The following AHCYL2 variants were observed in gnomAD, a reference collection of about 807,000 sequenced individuals.
AHCYL2 encodes the protein adenosylhomocysteinase like 2, also known as S-adenosylhomocysteine hydrolase-like protein 2.
AHCYL2 carries 28 observed loss-of-function variants against 81.4 expected under a neutral mutation model. The observed-to-expected ratio is 0.34, with a 90% confidence interval of 0.25 to 0.47. The LOEUF (loss-of-function observed/expected upper bound fraction) is 0.47, where lower values mean the gene tolerates loss of function less well. Ranked by LOEUF, AHCYL2 falls within the 20% of genes least tolerant of loss-of-function variation. The pLI, the probability that AHCYL2 is intolerant of heterozygous loss-of-function variation, is 1.00. For synonymous variants in AHCYL2, 272 were observed against 290.2 expected (o/e 0.94, Z 0.64); for missense variants, 551 against 785.1 (o/e 0.70, Z 3.56).
chr7:129,288,096 T>C (rs1288017938), intron 1 of AHCYL2, among the ~76,000 whole-genome samples: 1 of 152,240 alleles, frequency 6.6e-6, no homozygotes. Context: ...CATTGTGTTA[T>C]TCATAAATGT....
chr7:129,288,181 A>G (rs1487584413), intron 1 of AHCYL2, among the ~76,000 whole-genome samples: 2 of 152,284 alleles, frequency 1.3e-5, no homozygotes, highest in South Asian at 2.1e-4. Flanking sequence ...GTCTCTTAAC[A>G]TTAGTCCTCT....
chr7:129,416,075 GT>G (rs140251679), intron 12 of AHCYL2, among the ~76,000 whole-genome samples: 14 of 147,762 alleles, frequency 9.5e-5, no homozygotes, highest in South Asian at 4.3e-4. Context: ...AAAATCCAGG[GT>G]TTTTTTTTTA....
intron 7 of AHCYL2, 104 bp from the exon 8 acceptor site, chr7:129,404,993 G>A (rs1261121839): frequency 1.6e-6 from 1 of 615,572 alleles, no homozygotes; most frequent in Non-Finnish European, 2.8e-6. Context: ...CATGTCTCAT[G>A]GTCTCATGCC....
At position 129,329,171 on chromosome 7, in the gene AHCYL2, A is replaced by G. The variant is rs1798330229; in HGVS notation, c.364-50467A>G. On this transcript the variant is annotated intron_variant, in intron 1 of 16. Coordinates refer to ENST00000325006, the MANE Select transcript of AHCYL2 (RefSeq NM_015328.4). ...TGCAGGATCTGGTCCTGGAACTGCT[A>G]TTAATGTTTTTTATTTTGTTTTGTT... 2.0e-5 allele frequency among the ~76,000 whole-genome samples: 3 copies of G among 152,058 alleles called. No individual in the cohort carries two copies. The South Asian group carries it at 6.2e-4, about 32-fold the overall frequency.
intron 1 of AHCYL2, among the ~76,000 whole-genome samples, chr7:129,311,420 C>T (rs1443858080): frequency 6.6e-6 from 1 of 152,196 alleles, no homozygotes; most frequent in African/African-American, 2.4e-5. Flanking sequence ...AACCTAAATG[C>T]TGACAAGTCC....
At chr7:129,325,260 T>C (rs1798178804) in intron 1 of AHCYL2, among the ~76,000 whole-genome samples, 1 of 152,202 alleles carries the variant, frequency 6.6e-6, no homozygotes. Context: ...GTCTGTATTT[T>C]GCCTTTGTTT....
intron 1 of AHCYL2, among the ~76,000 whole-genome samples, chr7:129,297,498 C>T (rs1425004889): frequency 1.3e-5 from 2 of 152,122 alleles, no homozygotes; most frequent in Non-Finnish European, 2.9e-5. Flanking sequence ...ATTTAGAATG[C>T]CTTTGCTTGA....
At position 129,353,542 on chromosome 7, in the gene AHCYL2, A is replaced by G. The variant is rs571466983; in HGVS notation, c.364-26096A>G. On this transcript the variant is annotated intron_variant, in intron 1 of 16. Transcript: ENST00000325006. ...TTTCCTGTATAACAGCATAAATTTA[A>G]TTATTTCATCTATCTATTTACTTAA... Among the ~76,000 whole-genome samples the G allele has an allele frequency of 2.0e-4, 30 of 151,482 alleles. No individual in the cohort carries two copies. The South Asian group carries it at 5.9e-3, about 30-fold the overall frequency.
chr7:129,378,819 A>G (rs1794812689), intron 1 of AHCYL2, among the ~76,000 whole-genome samples: 1 of 152,304 alleles, frequency 6.6e-6, no homozygotes, highest in African/African-American at 2.4e-5. Flanking sequence ...ATCTAGATAT[A>G]TGGAGCTTAC....
chr7:129,405,189 G>A lies in AHCYL2; in HGVS notation c.1118G>A (p.Cys373Tyr). ...VTKQKFDNLY[C>Y]CRESILDGLK... ...AAACAGAAATTTGACAACCTCTACT[G>A]TTGCCGTGAATCAATTCTTGATGGG... The change falls in exon 8 of 17, where the codon TGT becomes TAT. Residue 373 changes from cysteine to tyrosine, a missense_variant. This residue lies in a region of AHCYL2 where 316 missense variants were observed against 543.1 expected (regional missense o/e 0.58). Transcript: ENST00000325006. 4 of 1,607,792 alleles carry A rather than the reference G, an allele frequency of 2.5e-6. No homozygotes were observed. Among genetic ancestry groups the A allele is most frequent in the South Asian group, 1.1e-5 (1 of 90,424 alleles).
intron 1 of AHCYL2, among the ~76,000 whole-genome samples, chr7:129,255,120 G>T (rs988984222): frequency 7.9e-5 from 12 of 151,880 alleles, no homozygotes; most frequent in African/African-American, 2.9e-4. Flanking sequence ...AATTAGCCGG[G>T]CATGGTGGCA....
chr7:129,313,509 T>G (rs150338129), intron 1 of AHCYL2, among the ~76,000 whole-genome samples: 10 of 152,172 alleles, frequency 6.6e-5, no homozygotes, highest in Non-Finnish European at 2.9e-5. Context: ...ACAGAGAAAG[T>G]TGACAGTGTT....
At chr7:129,375,172 A>T (rs988722215) in intron 1 of AHCYL2, among the ~76,000 whole-genome samples, 1 of 152,158 alleles carries the variant, frequency 6.6e-6, no homozygotes, top group Non-Finnish European at 1.5e-5. Flanking sequence ...CTAGAAACCA[A>T]ATGTCAAAAC....
intron 1 of AHCYL2, among the ~76,000 whole-genome samples, chr7:129,373,444 A>G (rs1794514709): frequency 6.6e-6 from 1 of 151,918 alleles, no homozygotes; most frequent in Non-Finnish European, 1.5e-5. Flanking sequence ...ACAAAAAAGC[A>G]AAAAAACTAG....
chr7:129,272,014 A>G (rs976514788), intron 1 of AHCYL2, among the ~76,000 whole-genome samples: 1 of 152,200 alleles, frequency 6.6e-6, no homozygotes, highest in African/African-American at 2.4e-5. Context: ...TGTGGCAGAG[A>G]TAACATTCTG....
intron 1 of AHCYL2, among the ~76,000 whole-genome samples, chr7:129,323,212 A>AT (rs1798101911): frequency 6.6e-6 from 1 of 152,050 alleles, no homozygotes; most frequent in African/African-American, 2.4e-5. Context: ...TAATAGAGGT[A>AT]TTTTGTACTA....
rs974278005 is a variant in AHCYL2 at position 129,426,449 on chromosome 7, A to G, written c.1715A>G (p.Tyr572Cys). Residue 572 changes from tyrosine (Y) to cysteine (C), a missense_variant, in exon 16 of 17, where the codon TAT (tyrosine) becomes TGT (cysteine). Coordinates refer to ENST00000325006, the MANE Select transcript of AHCYL2 (RefSeq NM_015328.4). This position sits in a 1 kb window ranked among gnomAD's most constrained non-coding sequence, Gnocchi z 4.3. The stretch of plus-strand genomic sequence containing the variant: ...CTTCTGTGGTCTGTTCCAGATGAGT[A>G]TGTGGCCAGCCTACACCTGCCTACC... Reference protein sequence around the residue: ...VYLLPKKMDEYVASLHLPTFD... With the variant: ...VYLLPKKMDECVASLHLPTFD... The G allele has an allele frequency of 6.2e-7, 1 of 1,614,096 alleles. No individual in the cohort carries two copies. The highest frequency in any genetic ancestry group is 8.5e-7 in the Non-Finnish European group (1 of 1,179,960).
chr7:129,259,143 G>A (rs1328450527), intron 1 of AHCYL2, among the ~76,000 whole-genome samples: 1 of 151,924 alleles, frequency 6.6e-6, no homozygotes, highest in Non-Finnish European at 1.5e-5. Context: ...TTTTCCCACT[G>A]CTTCTGGCAA....
intron 13 of AHCYL2, among the ~76,000 whole-genome samples, chr7:129,423,584 C>T (rs954298187): frequency 2.0e-5 from 3 of 152,114 alleles, no homozygotes; most frequent in South Asian, 2.1e-4. Flanking sequence ...TATTAGATGC[C>T]TTCTATTCTT....
Sources: gnomAD v4.1 joint callset for allele counts (sites outside exome capture counted in the v4.1 genomes callset) on GRCh38, gnomAD v4.1.1 for gene constraint, gnomAD v4.1.1 regional missense constraint, Gnocchi (gnomAD v3.1) non-coding constraint, MANE v1.5 for transcripts, NCBI Gene and HGNC (gene_info 2026-07-23, HGNC 2026-07-21) for gene names.